Variants in LUC7L observed in about 807,000 individuals in gnomAD.
LUC7L encodes LUC7 like.
LUC7L carries 29 observed loss-of-function variants against 51.1 expected under a neutral mutation model. The observed-to-expected ratio is 0.57, with a 90% CI of 0.42 to 0.77. LUC7L has a LOEUF of 0.77. Ranked by LOEUF, LUC7L falls within the 30% of genes least tolerant of loss-of-function variation. LUC7L has a pLI of 0.00. For synonymous variants in LUC7L, 181 were observed against 180.7 expected (o/e 1.00, Z -0.01); for missense variants, 403 against 511.9 (o/e 0.79, Z 2.05).
At chr16:222,139 A>G (rs2049986842) in intron 2 of LUC7L, among the ~76,000 whole-genome samples, 2 of 152,154 alleles carry the variant, frequency 1.3e-5, no homozygotes, top group Non-Finnish European at 2.9e-5. Context: ...AAAACAGTGT[A>G]TGATTTTAAT....
At chr16:229,168 A>T in intron 1 of LUC7L, 111 bp downstream of exon 1, 1 of 1,457,762 alleles carries the variant, frequency 6.9e-7, no homozygotes, top group East Asian at 2.7e-5. Flanking sequence ...AGGAGGAGCG[A>T]TGCCCCGCGC....
intron 7 of LUC7L, among the ~76,000 whole-genome samples, chr16:191,142 G>A (rs1036353216): frequency 2.0e-5 from 3 of 152,206 alleles, no homozygotes; most frequent in African/African-American, 4.8e-5. Flanking sequence ...TACAAGGGCC[G>A]TGAAAAGTCT....
At position 193,577 on chromosome 16, in the gene LUC7L, G is replaced by A. The variant is rs964665266; in HGVS notation, c.688-562C>T. On this transcript the variant is annotated intron_variant, in intron 6 of 9. Coordinates refer to ENST00000293872, the MANE Select transcript of LUC7L (RefSeq NM_201412.3). Reference sequence around the variant, plus strand: ...AGTGGCGCGATCTTTGCTCACTGAAGCCTCTGCCTCCTGGGTTCAAGCGAT... The same window carrying A: ...AGTGGCGCGATCTTTGCTCACTGAAACCTCTGCCTCCTGGGTTCAAGCGAT... Among the ~76,000 whole-genome samples, 6 of 151,850 alleles carry A rather than the reference G, an allele frequency of 4.0e-5. 1 individual carries two copies. Among genetic ancestry groups the A allele is most frequent in the African/African-American group, 9.7e-5 (4 of 41,286 alleles).
chr16:190,005 G>A lies in LUC7L; in HGVS notation c.937C>T (p.His313Tyr). ...CTTCGGTCCCGGGAAGCCCGACGAT[G>A]TCCCCGGCTGTGGCTCCGGGAACGG... ...RSRSRSHSRG[H>Y]RRASRDRSAK... The change falls in exon 9 of 10, where the codon CAT (histidine) becomes TAT (tyrosine). Residue 313 changes from histidine (H) to tyrosine (Y), a missense_variant. Coordinates refer to ENST00000293872, the MANE Select transcript of LUC7L (RefSeq NM_201412.3). The A allele has an allele frequency of 6.2e-7, 1 of 1,613,962 alleles. No individual in the cohort carries two copies. The highest frequency in any genetic ancestry group is 8.5e-7 in the Non-Finnish European group (1 of 1,179,890).
Position 220,761 on chromosome 16 carries a change from A to G in LUC7L, c.157-14T>C, listed in dbSNP as rs1596674302. 1.3e-6 allele frequency: 2 copies of G among 1,598,238 alleles called. No homozygotes were observed. The highest frequency in any genetic ancestry group is 2.7e-5 in the African/African-American group (2 of 74,590). ...TAAATCCATGCGCTGTGGGAAAGAA[A>G]CAGAAAATGCAGACCTCAGTGCCTA... is the stretch of plus-strand genomic sequence containing the variant. On this transcript the variant is annotated splice_polypyrimidine_tract_variant and intron_variant, in intron 2 of 9. Transcript: ENST00000293872.
At chr16:218,031 A>C (rs1051368566) in intron 3 of LUC7L, among the ~76,000 whole-genome samples, 1 of 151,414 alleles carries the variant, frequency 6.6e-6, no homozygotes, top group Admixed American at 6.6e-5. Context: ...ATCTCCAAAA[A>C]AAAAAAAAAA....
At position 212,170 on chromosome 16, in the gene LUC7L, G is replaced by A. The variant is rs531546251; in HGVS notation, c.256-3982C>T. Among the ~76,000 whole-genome samples the A allele has an allele frequency of 8.5e-5, 13 of 152,250 alleles. No individual in the cohort carries two copies. In the South Asian group the frequency reaches 1.5e-3, roughly 17 times the overall value. On this transcript the variant is annotated intron_variant, in intron 3 of 9. Coordinates refer to ENST00000293872, the MANE Select transcript of LUC7L (RefSeq NM_201412.3). ...TACCCAGGCGTGGTGGTGCATGCCT[G>A]TAATCCCAACTACTCAGGAGGCTGA...
chr16:229,214 G>A, intron 1 of LUC7L, 65 bp downstream of exon 1: 1 of 1,510,146 alleles, frequency 6.6e-7, no homozygotes, highest in Non-Finnish European at 8.8e-7. Flanking sequence ...CCCCGCCTCA[G>A]GCCGCCCGGC....
intron 3 of LUC7L, among the ~76,000 whole-genome samples, chr16:215,997 C>G (rs534105818): frequency 4.6e-5 from 7 of 151,706 alleles, no homozygotes; most frequent in African/African-American, 1.4e-4. Flanking sequence ...GCCTGCCCAG[C>G]CCGGTTTACT....
chr16:189,384 T>G, intron 9 of LUC7L, 45 bp from the exon 10 acceptor site: 1 of 1,572,258 alleles, frequency 6.4e-7, no homozygotes, highest in Non-Finnish European at 8.6e-7. Flanking sequence ...GCTGCCCCCC[T>G]TCTGCTGGCC....
chr16:221,008 T>C (rs13337440), intron 2 of LUC7L, among the ~76,000 whole-genome samples: 1,635 of 152,232 alleles, frequency 0.011, 21 homozygotes, highest in African/African-American at 0.037. Flanking sequence ...ACTGTAATCA[T>C]CACAACTACA....
At chr16:202,363 C>T (rs1234237945) in intron 5 of LUC7L, among the ~76,000 whole-genome samples, 2 of 152,154 alleles carry the variant, frequency 1.3e-5, no homozygotes, top group African/African-American at 2.4e-5. Flanking sequence ...GACCCAAACA[C>T]CTCCCACTAG....
intron 3 of LUC7L, among the ~76,000 whole-genome samples, chr16:215,845 C>T (rs1025042340): frequency 1.8e-4 from 27 of 151,932 alleles, no homozygotes; most frequent in Non-Finnish European, 8.8e-5. Context: ...ATCACTCTCC[C>T]ACAACACTGC....
At chr16:212,312 G>A (rs1183999413) in intron 3 of LUC7L, among the ~76,000 whole-genome samples, 1 of 151,976 alleles carries the variant, frequency 6.6e-6, no homozygotes, top group Non-Finnish European at 1.5e-5. Flanking sequence ...CAGCCGCAGA[G>A]GAGCTCGTCG....
At chr16:222,159 A>C (rs1275908679) in intron 2 of LUC7L, among the ~76,000 whole-genome samples, 1 of 152,146 alleles carries the variant, frequency 6.6e-6, no homozygotes, top group Non-Finnish European at 1.5e-5. Context: ...TCTAAATCCT[A>C]AGTATAGGAC....
chr16:189,307 G>A lies in LUC7L; in HGVS notation c.1007C>T (p.Ser336Phe). 6.2e-7 allele frequency: 1 copy of A among 1,612,946 alleles called. No homozygotes were observed. The highest frequency in any genetic ancestry group is 2.2e-5 in the East Asian group (1 of 44,862). ...FSRERASREE[S>F]WESGRSERGP... Reference sequence around the variant, plus strand: ...TCGCTCGCTCCGCCCGCTCTCCCAGGACTCCTCTCTGGATGCCCGCTCTCT... The same window carrying A: ...TCGCTCGCTCCGCCCGCTCTCCCAGAACTCCTCTCTGGATGCCCGCTCTCT... The change falls in exon 10 of 10, where the codon TCC becomes TTC. Residue 336 changes from serine (S) to phenylalanine (F), a missense_variant. Physicochemically the swap from Ser to Phe is radical, Grantham distance 155. Around this residue, in one of 3 missense-constraint regions of LUC7L, gnomAD observed 206 missense variants for 218.3 expected, o/e 0.94. Transcript: ENST00000293872.
chr16:197,930 G>A (rs1436089684), intron 6 of LUC7L, among the ~76,000 whole-genome samples: 1 of 152,138 alleles, frequency 6.6e-6, no homozygotes, highest in Non-Finnish European at 1.5e-5. Context: ...ATTCAAAGTA[G>A]TGGAAATACG....
chr16:224,225 A>G (rs1481996002), intron 2 of LUC7L, among the ~76,000 whole-genome samples: 14 of 152,182 alleles, frequency 9.2e-5, no homozygotes, highest in Non-Finnish European at 4.4e-5. Flanking sequence ...ATGACATTAG[A>G]AAACCTCATG....
intron 7 of LUC7L, among the ~76,000 whole-genome samples, chr16:192,596 C>T (rs2049039134): frequency 6.6e-6 from 1 of 151,240 alleles, no homozygotes; most frequent in Admixed American, 6.6e-5. Context: ...CTCTGCCTCC[C>T]GGGCTCAAGT....
Sources: gnomAD v4.1 joint callset for allele counts (sites outside exome capture counted in the v4.1 genomes callset) on GRCh38, gnomAD v4.1.1 for gene constraint, gnomAD v4.1.1 regional missense constraint, MANE v1.5 for transcripts, NCBI Gene and HGNC (gene_info 2026-07-23, HGNC 2026-07-21) for gene names.